PTPRN2: variants seen among roughly 807,000 people sequenced by gnomAD.
PTPRN2 encodes the protein protein tyrosine phosphatase receptor type N2.
Under a neutral mutation model 118.8 loss-of-function variants are expected in PTPRN2, and 74 were observed. That is an observed-to-expected ratio of 0.62 (90% CI 0.52 to 0.76). The LOEUF (loss-of-function observed/expected upper bound fraction) is 0.76, where lower values mean the gene tolerates loss of function less well. PTPRN2 is among the 30% of genes least tolerant of loss of function. The pLI is 0.00. For missense variants in PTPRN2, 1,481 were observed against 1,394.4 expected, an observed-to-expected ratio of 1.06 and a Z score of -0.99; for synonymous variants, 641 against 608.0, an observed-to-expected ratio of 1.05 and a Z score of -0.80.
chr7:158,523,721 A>AGTCTGCCCTGGAGTGGAGTC lies in PTPRN2; in HGVS notation c.113-33956_113-33937dup, dbSNP rs1563393438. Among the ~76,000 whole-genome samples the AGTCTGCCCTGGAGTGGAGTC allele has an allele frequency of 3.4e-4, 16 of 47,516 alleles. 1 individual carries two copies. The highest frequency in any genetic ancestry group is 6.7e-4 in the South Asian group (1 of 1,492). The allele number at this position is 47,516 out of a possible 152,430, so 31.2% of individuals were successfully genotyped here. A position where few individuals can be genotyped will look rare whatever the true frequency, so the allele number is the denominator to read the frequency against. Reference sequence around the variant, plus strand: ...AGTGGAGTCGTCTGCCCTGGAGTGGAGTCTGCCCTGGAGTGGAGTCGTCTG... The same window carrying AGTCTGCCCTGGAGTGGAGTC: ...AGTGGAGTCGTCTGCCCTGGAGTGGAGTCTGCCCTGGAGTGGAGTCGTCTGCCCTGGAGTGGAGTCGTCTG... On this transcript the variant is annotated intron_variant, in intron 1 of 22. Transcript: ENST00000389418.
chr7:157,655,665 A>G (rs1295809035), intron 14 of PTPRN2, among the ~76,000 whole-genome samples: 1 of 152,178 alleles, frequency 6.6e-6, no homozygotes, highest in Non-Finnish European at 1.5e-5. Context: ...CAGCACAGCC[A>G]GGCACGGTCA....
intron 3 of PTPRN2, among the ~76,000 whole-genome samples, chr7:158,296,920 G>A (rs534999905): frequency 8.5e-5 from 13 of 152,302 alleles, no homozygotes; most frequent in South Asian, 4.1e-4. Flanking sequence ...GGACACGCCC[G>A]GCACTCAGGG....
At chr7:158,065,976 G>C (rs139257169) in intron 11 of PTPRN2, among the ~76,000 whole-genome samples, 172 of 152,350 alleles carry the variant, frequency 1.1e-3, no homozygotes, top group African/African-American at 4.1e-3. Context: ...TTCAGGGAAA[G>C]ATCCTGCCCT....
At chr7:158,551,330 G>T (rs1429360128) in intron 1 of PTPRN2, among the ~76,000 whole-genome samples, 1 of 152,274 alleles carries the variant, frequency 6.6e-6, no homozygotes, top group Admixed American at 6.5e-5. Flanking sequence ...ACCTCTGGAA[G>T]GCCCCGCCTC....
intron 5 of PTPRN2, among the ~76,000 whole-genome samples, chr7:158,188,190 G>GGGGAAGGCCGCCACGCTCGCCCCCTGTAT: frequency 7.7e-6 from 1 of 130,162 alleles, no homozygotes; most frequent in Non-Finnish European, 1.7e-5. Flanking sequence ...GCCCCGCGAT[G>GGGGAAGGCCGCCACGCTCGCCCCCTGTAT]GGGAAGGCCG....
At chr7:158,531,891 TCACTG>T (rs1737134930) in intron 1 of PTPRN2, among the ~76,000 whole-genome samples, 1 of 152,122 alleles carries the variant, frequency 6.6e-6, no homozygotes, top group Admixed American at 6.5e-5. Context: ...GCTGAACGCA[TCACTG>T]CACTCACACG....
At chr7:157,982,640 G>T (rs1263412263) in intron 11 of PTPRN2, among the ~76,000 whole-genome samples, 5 of 148,060 alleles carry the variant, frequency 3.4e-5, no homozygotes. Flanking sequence ...CAGAGACGAG[G>T]AGGGGGATGC....
At chr7:157,835,988 C>A (rs752644464) in intron 12 of PTPRN2, among the ~76,000 whole-genome samples, 5 of 152,160 alleles carry the variant, frequency 3.3e-5, no homozygotes, top group African/African-American at 1.2e-4. Context: ...CACAGACAAG[C>A]CTGGCAGAAC....
intron 3 of PTPRN2, among the ~76,000 whole-genome samples, chr7:158,206,908 C>T (rs1469352084): frequency 6.7e-6 from 1 of 149,198 alleles, no homozygotes; most frequent in Non-Finnish European, 1.5e-5. Flanking sequence ...GCTGCACCCA[C>T]TAACTCGTCA....
intron 11 of PTPRN2, among the ~76,000 whole-genome samples, chr7:157,985,078 C>A (rs530753482): frequency 1.3e-5 from 2 of 152,218 alleles, no homozygotes; most frequent in Non-Finnish European, 2.9e-5. Context: ...CTTTCTCCTG[C>A]AGCCATCCTC....
intron 11 of PTPRN2, among the ~76,000 whole-genome samples, chr7:158,061,316 C>T (rs62480172): frequency 1.9e-3 from 287 of 152,342 alleles, no homozygotes; most frequent in Middle Eastern, 3.4e-3. Flanking sequence ...ACTGAGTCCA[C>T]GCAGGGATGA....
chr7:158,386,962 T>A (rs1276967158), intron 2 of PTPRN2, among the ~76,000 whole-genome samples: 2 of 152,200 alleles, frequency 1.3e-5, no homozygotes, highest in Non-Finnish European at 2.9e-5. Context: ...ATCACCCACC[T>A]AAGCACTCGC....
At chr7:157,983,899 T>G (rs932705091) in intron 11 of PTPRN2, among the ~76,000 whole-genome samples, 12 of 152,122 alleles carry the variant, frequency 7.9e-5, no homozygotes, top group Non-Finnish European at 1.6e-4. Flanking sequence ...GACACACGGA[T>G]GTTCTGGGGC....
chr7:157,605,617 C>T (rs902370747), intron 15 of PTPRN2, among the ~76,000 whole-genome samples: 12 of 152,294 alleles, frequency 7.9e-5, no homozygotes, highest in African/African-American at 2.2e-4. Context: ...AGGGGTTTAT[C>T]GAGCAATAGA....
At chr7:158,245,196 A>C (rs915166747) in intron 3 of PTPRN2, among the ~76,000 whole-genome samples, 9 of 100,024 alleles carry the variant, frequency 9.0e-5, no homozygotes, top group Non-Finnish European at 1.6e-4. Flanking sequence ...ATCCGTGGTC[A>C]TGCTGGAATC....
intron 2 of PTPRN2, among the ~76,000 whole-genome samples, chr7:158,351,206 C>T (rs1807905201): frequency 2.0e-5 from 3 of 152,174 alleles, no homozygotes; most frequent in African/African-American, 4.8e-5. Context: ...GTGCTACCAC[C>T]TCCACCCACC....
At chr7:158,232,484 C>T (rs1259464640) in intron 3 of PTPRN2, among the ~76,000 whole-genome samples, 1 of 152,052 alleles carries the variant, frequency 6.6e-6, no homozygotes, top group Non-Finnish European at 1.5e-5. Flanking sequence ...AAGCCCAGGA[C>T]CTGATGCCTT....
chr7:158,404,639 C>T (rs1180014061), intron 2 of PTPRN2, among the ~76,000 whole-genome samples: 3 of 152,052 alleles, frequency 2.0e-5, no homozygotes, highest in Admixed American at 2.0e-4. Context: ...CTGCAGTCCT[C>T]GGCCTCCAGC....
rs1806154504 is a variant in PTPRN2, at chr7:157,813,006, T to C, written c.1788+85667A>G. ...CTAATTTCACCCGGACCACAGCCTCTGGATGAGCTTCTGTTAAAAAGAGAT... is the reference window on the plus strand; with the variant it reads ...CTAATTTCACCCGGACCACAGCCTCCGGATGAGCTTCTGTTAAAAAGAGAT... On this transcript the variant is annotated intron_variant, in intron 12 of 22. Coordinates refer to ENST00000389418, the MANE Select transcript of PTPRN2 (RefSeq NM_002847.5). This position sits in a 1 kb window ranked among gnomAD's most constrained non-coding sequence, Gnocchi z 4.7. 6.6e-6 allele frequency among the ~76,000 whole-genome samples: 1 copy of C among 152,138 alleles called. No individual in the cohort carries two copies. Among genetic ancestry groups the C allele is most frequent in the South Asian group, 2.1e-4 (1 of 4,824 alleles).
Sources: allele counts gnomAD v4.1 joint callset (sites outside exome capture counted in the v4.1 genomes callset), GRCh38; gene constraint gnomAD v4.1.1; non-coding constraint Gnocchi (gnomAD v3.1); transcripts MANE v1.5; gene names NCBI Gene and HGNC (gene_info 2026-07-23, HGNC 2026-07-21).